TCP11L2: variants seen among roughly 807,000 people sequenced by gnomAD.
TCP11L2 encodes the protein T-complex protein 11-like protein 2.
Under a neutral mutation model 50.7 loss-of-function variants are expected in TCP11L2, and 39 were observed. The observed-to-expected ratio is 0.77, with a 90% CI of 0.60 to 1.01. The LOEUF is 1.01. Among genes scored for constraint, TCP11L2 ranks in the 50% least tolerant of loss-of-function variants. The probability of loss-of-function intolerance (pLI) is 0.00; values close to 1 mark genes in which losing one functional copy is unlikely to be tolerated. For synonymous variants in TCP11L2, 192 were observed against 219.3 expected, an observed-to-expected ratio of 0.88 and a Z score of 1.10; for missense variants, 612 against 614.7, an observed-to-expected ratio of 1.00 and a Z score of 0.05.
rs546642193 is a variant in TCP11L2 at position 106,321,176 on chromosome 12, A to C, written c.415-310A>C. On this transcript the variant is annotated intron_variant, in intron 4 of 9. Transcript: ENST00000299045. Reference sequence around the variant, plus strand: ...TCACTTAAAGTTGCAATTTCCAGGAACCTGTCAGCAATATTAAGTAAGGAC... The same window carrying C: ...TCACTTAAAGTTGCAATTTCCAGGACCCTGTCAGCAATATTAAGTAAGGAC... 1.6e-3 allele frequency among the ~76,000 whole-genome samples: 238 copies of C among 152,312 alleles called. 1 individual carries two copies. Among genetic ancestry groups the C allele is most frequent in the Non-Finnish European group, 2.9e-3 (199 of 68,034 alleles).
chr12:106,300,097 G>A (rs998056936), upstream of TCP11L2, among the ~76,000 whole-genome samples: 2 of 151,698 alleles, frequency 1.3e-5, no homozygotes, highest in Admixed American at 1.3e-4. Context: ...GAAAAACTAG[G>A]TGTAATAATA....
intron 1 of TCP11L2, among the ~76,000 whole-genome samples, chr12:106,310,374 C>A (rs745901619): frequency 9.9e-5 from 15 of 152,170 alleles, no homozygotes; most frequent in Non-Finnish European, 1.8e-4. Context: ...CACAGCAGTT[C>A]ATGTGGAAAT....
At chr12:106,330,038 G>A in intron 6 of TCP11L2, 1 of 985,342 alleles carries the variant, frequency 1.0e-6, no homozygotes, top group Non-Finnish European at 1.2e-6. Context: ...GTATTTCTTG[G>A]CAATTGTCAC....
intron 3 of TCP11L2, among the ~76,000 whole-genome samples, chr12:106,315,825 A>C (rs1301726443): frequency 6.6e-6 from 1 of 152,206 alleles, no homozygotes; most frequent in Non-Finnish European, 1.5e-5. Flanking sequence ...ATTATTACAG[A>C]TCAGTCGTCT....
At chr12:106,339,023 T>C (rs2036009781) in intron 8 of TCP11L2, among the ~76,000 whole-genome samples, 1 of 152,198 alleles carries the variant, frequency 6.6e-6, no homozygotes, top group South Asian at 2.1e-4. Flanking sequence ...CGCATGCCTG[T>C]AGTCCCAGCT....
intron 1 of TCP11L2, among the ~76,000 whole-genome samples, chr12:106,307,043 CTCTA>C (rs2034658880): frequency 6.6e-6 from 1 of 152,236 alleles, no homozygotes; most frequent in Non-Finnish European, 1.5e-5. Context: ...CCAATCTCCT[CTCTA>C]TCTGTAGTGA....
At position 106,346,284 on chromosome 12, in the gene TCP11L2, A is replaced by G. The variant is rs765352742; in HGVS notation, c.1316-2A>G. On this transcript the variant is annotated splice_acceptor_variant, in intron 9 of 9. Transcript: ENST00000299045. LOFTEE classifies it high-confidence loss of function. ...ATAAAAGTATCTTTTTTTCCCCTTC[A>G]GATAAACGAATTAAGCTTTACATGA... 1.9e-6 allele frequency: 3 copies of G among 1,593,508 alleles called. No individual in the cohort carries two copies. Among genetic ancestry groups the G allele is most frequent in the Non-Finnish European group, 2.6e-6 (3 of 1,170,280 alleles).
chr12:106,302,385 AGCCCCC>A (rs2034445081), upstream of TCP11L2, among the ~76,000 whole-genome samples: 5 of 58,414 alleles, frequency 8.6e-5, no homozygotes, highest in Admixed American at 9.2e-4. Flanking sequence ...GCCCCCGCTC[AGCCCCC>A]GCTCAGCCCC....
At chr12:106,315,081 A>G (rs2035026332) in intron 3 of TCP11L2, among the ~76,000 whole-genome samples, 1 of 151,834 alleles carries the variant, frequency 6.6e-6, no homozygotes, top group Non-Finnish European at 1.5e-5. Context: ...CTAAAAACAC[A>G]AAAATTAGCC....
chr12:106,307,573 G>A (rs1380562912), intron 1 of TCP11L2, among the ~76,000 whole-genome samples: 3 of 152,172 alleles, frequency 2.0e-5, no homozygotes, highest in Admixed American at 6.5e-5. Context: ...GAATCAAGTA[G>A]GTTTGTCCCC....
intron 6 of TCP11L2, chr12:106,325,152 A>C (rs971395813): frequency 1.3e-4 from 20 of 152,228 alleles, no homozygotes; most frequent in African/African-American, 4.6e-4. Context: ...ATGGGTGCGG[A>C]AACTGAGGCA....
In TCP11L2 at chr12:106,346,705, C is replaced by G; in HGVS notation, c.*175C>G. The stretch of plus-strand genomic sequence containing the variant: ...AAGACACACACATCACATAGACCCT[C>G]AGAAGACGTAAACATCACATAGACC... On this transcript the variant is annotated 3_prime_UTR_variant, in exon 10 of 10. Coordinates refer to ENST00000299045, the MANE Select transcript of TCP11L2 (RefSeq NM_152772.3). 1.5e-6 allele frequency: 1 copy of G among 679,142 alleles called. No homozygotes were observed. Among genetic ancestry groups the G allele is most frequent in the Non-Finnish European group, 2.3e-6 (1 of 437,434 alleles). The allele number at this position is 679,142 out of a possible 1,614,324, so 42.1% of individuals were successfully genotyped here.
chr12:106,335,663 G>C lies in TCP11L2; in HGVS notation c.797G>C (p.Trp266Ser). 1 of 1,614,110 alleles carries C rather than the reference G, an allele frequency of 6.2e-7. No homozygotes were observed. Among genetic ancestry groups the C allele is most frequent in the South Asian group, 1.1e-5 (1 of 91,072 alleles). The change falls in exon 7 of 10, where the codon TGG (tryptophan) becomes TCG (serine). Residue 266 changes from tryptophan (W) to serine (S), a missense_variant. Physicochemically the swap from Trp to Ser is radical, Grantham distance 177. Coordinates refer to ENST00000299045, the MANE Select transcript of TCP11L2 (RefSeq NM_152772.3). ...TPSALDQTTEWIKESVNEELF... is the reference protein window; with the variant it reads ...TPSALDQTTESIKESVNEELF... ...GGTGCTCTTGATCAGACTACAGAAT[G>C]GATAAAAGAATCTGTAAATGAAGAA...
At chr12:106,341,892 A>T (rs2036102519) in intron 9 of TCP11L2, among the ~76,000 whole-genome samples, 1 of 152,194 alleles carries the variant, frequency 6.6e-6, no homozygotes, top group African/African-American at 2.4e-5. Context: ...TGAATTGGTC[A>T]TGGTGGCCTG....
chr12:106,330,427 G>GCCCT, intron 6 of TCP11L2: 1 of 503,096 alleles, frequency 2.0e-6, no homozygotes, highest in Non-Finnish European at 2.6e-6. Flanking sequence ...GTCCCATCCT[G>GCCCT]GCAGGGCAGG....
chr12:106,337,826 A>G (rs952681841), intron 8 of TCP11L2, among the ~76,000 whole-genome samples: 9 of 152,250 alleles, frequency 5.9e-5, no homozygotes, highest in African/African-American at 1.4e-4. Flanking sequence ...AATGAATGCT[A>G]GCTATTAATA....
At chr12:106,311,692 C>T (rs796665855) in intron 2 of TCP11L2, among the ~76,000 whole-genome samples, 1 of 152,004 alleles carries the variant, frequency 6.6e-6, no homozygotes, top group South Asian at 2.1e-4. Context: ...TGCAAATCAC[C>T]CCAGGAAGGT....
intron 6 of TCP11L2, chr12:106,329,528 T>A: frequency 6.9e-7 from 1 of 1,458,114 alleles, no homozygotes; most frequent in African/African-American, 1.4e-5. Flanking sequence ...TCTGGGGCGT[T>A]TAAACACAGA....
At chr12:106,306,523 C>T (rs1336215631) in intron 1 of TCP11L2, among the ~76,000 whole-genome samples, 2 of 152,132 alleles carry the variant, frequency 1.3e-5, no homozygotes, top group East Asian at 3.8e-4. Flanking sequence ...CTGATACTGT[C>T]CTTTACAGCA....
Sources: allele counts gnomAD v4.1 joint callset (sites outside exome capture counted in the v4.1 genomes callset), GRCh38; gene constraint gnomAD v4.1.1; transcripts MANE v1.5; gene names NCBI Gene and HGNC (gene_info 2026-07-23, HGNC 2026-07-21).